CFAP54: variants seen among roughly 807,000 people sequenced by gnomAD.
CFAP54 encodes the protein cilia and flagella associated protein 54.
In CFAP54, 290 loss-of-function variants were observed where a neutral mutation model predicts 370.4. The observed-to-expected ratio is 0.78, with a 90% CI of 0.71 to 0.86. The LOEUF is 0.86. Among genes scored for constraint, CFAP54 ranks in the 40% least tolerant of loss-of-function variants. The pLI is 0.00. For synonymous variants in CFAP54, 1,206 were observed against 1,236.5 expected, an observed-to-expected ratio of 0.98 and a Z score of 0.52; for missense variants, 3,399 against 3,528.7, an observed-to-expected ratio of 0.96 and a Z score of 0.93.
chr12:96,873,313 A>T (rs773734553), intron 67 of CFAP54, among the ~76,000 whole-genome samples: 4 of 152,246 alleles, frequency 2.6e-5, no homozygotes, highest in Non-Finnish European at 5.9e-5. Flanking sequence ...TGAATCTTAC[A>T]ACTGTATTAG....
At chr12:96,850,394 G>C (rs1229226992) in intron 66 of CFAP54, among the ~76,000 whole-genome samples, 1 of 152,006 alleles carries the variant, frequency 6.6e-6, no homozygotes, top group East Asian at 1.9e-4. Context: ...ATTCAGGGGA[G>C]TGGGAGAGGC....
At position 96,679,634 on chromosome 12, in the gene CFAP54, C is replaced by T. The variant is rs371840661; in HGVS notation, c.5598C>T (p.Pro1866=). The change falls in exon 40 of 68, where the codon CCC becomes CCT. Residue 1866 remains proline (P), a synonymous_variant. Coordinates refer to ENST00000524981, the MANE Select transcript of CFAP54 (RefSeq NM_001306084.2). ...YSRAKALVCV[P]VDVTDTLRCF... is the part of the protein sequence containing the mutation. ...GAGCCAAAGCGCTTGTCTGCGTGCC[C>T]GTGGACGTGACAGACACCTTGAGGT... The T allele has an allele frequency of 1.6e-4, 260 of 1,613,122 alleles. 1 individual carries two copies. Among genetic ancestry groups the T allele is most frequent in the South Asian group, 6.2e-4 (56 of 90,912 alleles).
At position 96,535,533 on chromosome 12, in the gene CFAP54, G is replaced by C. The variant is rs1381615088; in HGVS notation, c.1724G>C (p.Cys575Ser). 1.3e-6 allele frequency: 2 copies of C among 1,535,370 alleles called. No individual in the cohort carries two copies. The highest frequency in any genetic ancestry group is 3.9e-5 in the Admixed American group (2 of 50,962). ...IAVHDTCLKT[C>S]GYSEDIFHLA... ...AACTTAGATACTTGTTTGAAGACTT[G>C]TGGATATTCAGAGGATATTTTCCAT... Residue 575 changes from cysteine (C) to serine (S), a missense_variant, in exon 12 of 68, where the codon TGT becomes TCT. By Grantham distance (112) the Cys-to-Ser change is moderately radical. Around this residue, in one of 3 missense-constraint regions of CFAP54, gnomAD observed 2,796 missense variants for 2,869.7 expected, o/e 0.97. Transcript: ENST00000524981.
At chr12:96,653,538 A>C (rs1262027202) in intron 36 of CFAP54, among the ~76,000 whole-genome samples, 2 of 152,258 alleles carry the variant, frequency 1.3e-5, no homozygotes, top group Non-Finnish European at 2.9e-5. Context: ...GAGTCAAAGA[A>C]GAAAACACAA....
intron 50 of CFAP54, among the ~76,000 whole-genome samples, chr12:96,724,735 C>T (rs1001535956): frequency 5.3e-5 from 8 of 152,226 alleles, no homozygotes; most frequent in African/African-American, 1.9e-4. Context: ...GTATTTTAGA[C>T]ATGAAGTCCT....
At chr12:96,738,234 G>A (rs1342223531) in intron 50 of CFAP54, among the ~76,000 whole-genome samples, 1 of 152,182 alleles carries the variant, frequency 6.6e-6, no homozygotes, top group Non-Finnish European at 1.5e-5. Context: ...GGTTCTGCGT[G>A]TGGGATGGAG....
intron 5 of CFAP54, among the ~76,000 whole-genome samples, chr12:96,515,211 A>G (rs1955217301): frequency 6.6e-6 from 1 of 151,782 alleles, no homozygotes; most frequent in Non-Finnish European, 1.5e-5. Context: ...GTTTCATCAT[A>G]TTGGCTAGGC....
At chr12:96,796,760 T>C (rs1054210282) in intron 63 of CFAP54, among the ~76,000 whole-genome samples, 3 of 152,208 alleles carry the variant, frequency 2.0e-5, no homozygotes, top group Admixed American at 2.0e-4. Context: ...TTTAAATCTA[T>C]TTAATGTGTT....
intron 32 of CFAP54, among the ~76,000 whole-genome samples, chr12:96,641,856 C>T (rs1022466726): frequency 4.0e-5 from 6 of 149,718 alleles, no homozygotes; most frequent in African/African-American, 9.8e-5. Context: ...CATGTTCTCA[C>T]GCATAGGTGG....
At chr12:96,661,146 T>C (rs1956990595) in intron 38 of CFAP54, among the ~76,000 whole-genome samples, 1 of 151,916 alleles carries the variant, frequency 6.6e-6, no homozygotes, top group South Asian at 2.1e-4. Context: ...CAGCTTAACC[T>C]TTCACCCCTC....
chr12:96,844,523 T>C (rs865851722), intron 66 of CFAP54, among the ~76,000 whole-genome samples: 67 of 152,320 alleles, frequency 4.4e-4, no homozygotes, highest in African/African-American at 1.5e-3. Flanking sequence ...TACAGGGCTA[T>C]AAGAGAATAA....
chr12:96,814,236 T>A (rs1008487388), intron 64 of CFAP54, among the ~76,000 whole-genome samples: 2 of 152,228 alleles, frequency 1.3e-5, no homozygotes, highest in African/African-American at 4.8e-5. Flanking sequence ...TCTCTAGGTA[T>A]TGGAATAAAA....
At chr12:96,729,461 C>A (rs555254376) in intron 50 of CFAP54, among the ~76,000 whole-genome samples, 1 of 152,220 alleles carries the variant, frequency 6.6e-6, no homozygotes, top group Non-Finnish European at 1.5e-5. Context: ...AGCAAGATTC[C>A]ATGGGCGTGG....
chr12:96,815,708 G>A (rs1375744977), intron 64 of CFAP54, among the ~76,000 whole-genome samples: 1 of 152,180 alleles, frequency 6.6e-6, no homozygotes, highest in Non-Finnish European at 1.5e-5. Context: ...TTACATTTAA[G>A]TCTTTAATCC....
At chr12:96,816,988 C>G (rs1390399223) in intron 64 of CFAP54, among the ~76,000 whole-genome samples, 1 of 152,166 alleles carries the variant, frequency 6.6e-6, no homozygotes, top group Admixed American at 6.5e-5. Context: ...CTCCCATTCC[C>G]GACACACATG....
At chr12:96,595,284 C>T (rs1407445554) in intron 25 of CFAP54, among the ~76,000 whole-genome samples, 1 of 152,016 alleles carries the variant, frequency 6.6e-6, no homozygotes, top group African/African-American at 2.4e-5. Context: ...AATCATGAGA[C>T]TGATGAGCTT....
intron 25 of CFAP54, among the ~76,000 whole-genome samples, chr12:96,596,146 C>T (rs976604140): frequency 1.3e-5 from 2 of 152,094 alleles, no homozygotes; most frequent in African/African-American, 2.4e-5. Flanking sequence ...AATGAGAACT[C>T]GGATAGAAAA....
chr12:96,555,112 C>T (rs368759211), intron 17 of CFAP54: 28 of 182,472 alleles, frequency 1.5e-4, no homozygotes, highest in African/African-American at 5.9e-4. Context: ...ATCCAGGCAT[C>T]GTATTAGGCT....
At chr12:96,641,681 A>G (rs11108603) in intron 32 of CFAP54, among the ~76,000 whole-genome samples, 5,209 of 152,286 alleles carry the variant, frequency 0.034, 217 homozygotes, top group African/African-American at 0.098. Flanking sequence ...ACCAAGCCAA[A>G]TGTCCAACAA....
Sources: gnomAD v4.1 joint callset for allele counts (sites outside exome capture counted in the v4.1 genomes callset) on GRCh38, gnomAD v4.1.1 for gene constraint, gnomAD v4.1.1 regional missense constraint, MANE v1.5 for transcripts, NCBI Gene and HGNC (gene_info 2026-07-23, HGNC 2026-07-21) for gene names.